SLC35F4: variants seen among roughly 807,000 people sequenced by gnomAD.
The protein encoded by SLC35F4 is solute carrier family 35 member F4.
A neutral mutation model predicts 44.2 loss-of-function variants in SLC35F4; 24 were observed. That is an observed-to-expected ratio of 0.54 (90% CI 0.39 to 0.76). The LOEUF (loss-of-function observed/expected upper bound fraction) is 0.76, where lower values mean the gene tolerates loss of function less well. Ranked by LOEUF, SLC35F4 falls within the 30% of genes least tolerant of loss-of-function variation. The pLI is 0.00. For missense variants in SLC35F4, 562 were observed against 586.1 expected (o/e 0.96, Z 0.42); for synonymous variants, 238 against 223.6 (o/e 1.06, Z -0.57).
intron 1 of SLC35F4, among the ~76,000 whole-genome samples, chr14:57,912,253 T>C (rs1473720082): frequency 6.6e-6 from 1 of 151,950 alleles, no homozygotes; most frequent in Non-Finnish European, 1.5e-5. Context: ...TCAGTATCAC[T>C]AATTTCTGTT....
At chr14:57,972,652 G>T (rs1403044389), downstream of SLC35F4, among the ~76,000 whole-genome samples, 2 of 152,168 alleles carry the variant, frequency 1.3e-5, no homozygotes, top group South Asian at 4.1e-4. Context: ...AGCAGAGCCA[G>T]GACCAAAACC....
chr14:57,656,485 G>A (rs996200434), intron 1 of SLC35F4, among the ~76,000 whole-genome samples: 2 of 151,648 alleles, frequency 1.3e-5, no homozygotes, highest in Non-Finnish European at 2.9e-5. Flanking sequence ...TAGATTATTT[G>A]CATGTAAAAA....
At chr14:57,669,757 A>G (rs943249170) in intron 1 of SLC35F4, among the ~76,000 whole-genome samples, 1 of 151,996 alleles carries the variant, frequency 6.6e-6, no homozygotes, top group Non-Finnish European at 1.5e-5. Context: ...GGATTTTTGC[A>G]TCAATGTTCA....
chr14:57,617,958 G>C (rs2071945599), intron 1 of SLC35F4, among the ~76,000 whole-genome samples: 1 of 152,158 alleles, frequency 6.6e-6, no homozygotes, highest in African/African-American at 2.4e-5. Flanking sequence ...GGACTTTAAA[G>C]ATGCCATCTA....
chr14:57,778,125 G>T (rs1395062766), intron 1 of SLC35F4, among the ~76,000 whole-genome samples: 1 of 152,102 alleles, frequency 6.6e-6, no homozygotes, highest in African/African-American at 2.4e-5. Context: ...TTTAAAAAAA[G>T]GAAATTTCTC....
intron 1 of SLC35F4, among the ~76,000 whole-genome samples, chr14:57,660,831 T>C (rs4619302): frequency 0.24 from 35,976 of 151,914 alleles, 4,844 homozygotes; most frequent in African/African-American, 0.37. Flanking sequence ...TTGACTGCAA[T>C]CTCATAAGAG....
At chr14:57,670,822 G>A (rs1241783968) in intron 1 of SLC35F4, among the ~76,000 whole-genome samples, 1 of 151,146 alleles carries the variant, frequency 6.6e-6, no homozygotes, top group African/African-American at 2.4e-5. Flanking sequence ...AATTCATACT[G>A]AATGTTTTCT....
chr14:57,901,162 A>T (rs978597417), intron 1 of SLC35F4, among the ~76,000 whole-genome samples: 1 of 152,236 alleles, frequency 6.6e-6, no homozygotes, highest in Non-Finnish European at 1.5e-5. Flanking sequence ...CAGCAATCCC[A>T]TTACTGGGTA....
chr14:57,692,410 A>C (rs2075261573), intron 1 of SLC35F4, among the ~76,000 whole-genome samples: 1 of 152,162 alleles, frequency 6.6e-6, no homozygotes, highest in Non-Finnish European at 1.5e-5. Context: ...TTTAATTTAT[A>C]ATCATTTTAT....
At chr14:57,960,147 G>T (rs1381203662) in intron 1 of SLC35F4, among the ~76,000 whole-genome samples, 1 of 152,218 alleles carries the variant, frequency 6.6e-6, no homozygotes. Context: ...AGGGTTATGT[G>T]TGAGCCACTT....
At chr14:57,767,245 G>T (rs556415484) in intron 1 of SLC35F4, among the ~76,000 whole-genome samples, 58 of 152,248 alleles carry the variant, frequency 3.8e-4, no homozygotes, top group African/African-American at 1.4e-3. Context: ...GATCTAATTG[G>T]CATGTATAGA....
intron 1 of SLC35F4, among the ~76,000 whole-genome samples, chr14:57,863,019 T>A (rs777605585): frequency 9.6e-5 from 14 of 145,620 alleles, no homozygotes; most frequent in Non-Finnish European, 1.9e-4. Context: ...GCATTAATCA[T>A]CTTTTTTAAA....
At chr14:57,818,718 A>G (rs1882867207) in intron 1 of SLC35F4, among the ~76,000 whole-genome samples, 1 of 152,236 alleles carries the variant, frequency 6.6e-6, no homozygotes, top group Non-Finnish European at 1.5e-5. Flanking sequence ...ACAACTTAGA[A>G]CTGCTTAAAC....
chr14:57,925,500 AGGG>A (rs1566930955), intron 1 of SLC35F4, among the ~76,000 whole-genome samples: 82 of 43,596 alleles, frequency 1.9e-3, no homozygotes, highest in African/African-American at 6.0e-3. Context: ...GAAGGAAGGG[AGGG>A]AGGGAGGGAG....
intron 1 of SLC35F4, among the ~76,000 whole-genome samples, chr14:57,819,770 C>A (rs1336292543): frequency 2.0e-5 from 3 of 151,024 alleles, no homozygotes; most frequent in African/African-American, 7.3e-5. Context: ...CCGAGATCGC[C>A]CCATTGCACT....
chr14:57,812,377 C>T (rs1882074200), intron 1 of SLC35F4, among the ~76,000 whole-genome samples: 1 of 152,160 alleles, frequency 6.6e-6, no homozygotes, highest in South Asian at 2.1e-4. Flanking sequence ...GAGTGTCAGT[C>T]CCTACCCTCC....
chr14:57,572,222 C>A (rs1328006255), intron 4 of SLC35F4, among the ~76,000 whole-genome samples: 2 of 152,094 alleles, frequency 1.3e-5, no homozygotes, highest in African/African-American at 4.8e-5. Flanking sequence ...AAAAGCTGTT[C>A]ACATTCTAAT....
chr14:57,691,003 A>C (rs981981389), intron 1 of SLC35F4, among the ~76,000 whole-genome samples: 1 of 152,144 alleles, frequency 6.6e-6, no homozygotes, highest in Non-Finnish European at 1.5e-5. Flanking sequence ...CCTGGGTACC[A>C]TGGTATCGGT....
chr14:57,717,251 A>C (rs1386256765), intron 1 of SLC35F4, among the ~76,000 whole-genome samples: 1 of 152,200 alleles, frequency 6.6e-6, no homozygotes, highest in Admixed American at 6.5e-5. Flanking sequence ...ATACTAGAGC[A>C]TATGATAGTT....
Sources: allele counts gnomAD v4.1 joint callset (sites outside exome capture counted in the v4.1 genomes callset), GRCh38; gene constraint gnomAD v4.1.1; transcripts MANE v1.5; gene names NCBI Gene and HGNC (gene_info 2026-07-23, HGNC 2026-07-21).